Variants in GNG7 observed in about 807,000 individuals in gnomAD.
GNG7 encodes the protein G protein subunit gamma 7.
GNG7 carries 1 observed loss-of-function variant against 4.0 expected under a neutral mutation model. The ratio of observed to expected loss-of-function variants is 0.25; its 90% confidence interval spans 0.09 to 1.18. The LOEUF is 1.18. Ranked by LOEUF, GNG7 falls within the 50% of genes most tolerant of loss-of-function variation. The probability of loss-of-function intolerance (pLI) is 0.50; values close to 1 mark genes in which losing one functional copy is unlikely to be tolerated. For synonymous variants in GNG7, 34 were observed against 36.9 expected (o/e 0.92, Z 0.29); for missense variants, 86 against 91.9 (o/e 0.94, Z 0.26).
intron 2 of GNG7, among the ~76,000 whole-genome samples, chr19:2,645,099 G>T (rs1982628642): frequency 6.6e-6 from 1 of 152,180 alleles, no homozygotes; most frequent in Admixed American, 6.6e-5. Flanking sequence ...GGGTGCAATG[G>T]TACGCACCTG....
intron 3 of GNG7, among the ~76,000 whole-genome samples, chr19:2,521,615 T>TTTTTG (rs1285421023): frequency 7.4e-6 from 1 of 135,656 alleles, no homozygotes; most frequent in African/African-American, 2.7e-5. Context: ...CCTCCGTGTT[T>TTTTTG]TTTTTTTTTT....
rs3064559 is a variant in GNG7 at position 2,609,010 on chromosome 19, T to TTCTCTC, written c.-78+37208_-78+37213dup. Reference sequence around the variant, plus strand: ...ATCATGCCTACCTAGTTCTTGTACATTCTCTCTCTCTCTCTCTCTCTCTTT... The same window carrying TTCTCTC: ...ATCATGCCTACCTAGTTCTTGTACATTCTCTCTCTCTCTCTCTCTCTCTCTCTCTTT... On this transcript the variant is annotated intron_variant, in intron 2 of 4. Coordinates refer to ENST00000382159, the MANE Select transcript of GNG7 (RefSeq NM_052847.3). This position sits in a 1 kb window ranked among gnomAD's most constrained non-coding sequence, Gnocchi z 4.4. Among the ~76,000 whole-genome samples, 1 of 149,324 alleles carries TTCTCTC rather than the reference T, an allele frequency of 6.7e-6. No individual in the cohort carries two copies. Among genetic ancestry groups the TTCTCTC allele is most frequent in the African/African-American group, 2.5e-5 (1 of 40,522 alleles).
intron 4 of GNG7, among the ~76,000 whole-genome samples, chr19:2,518,987 G>A (rs1276478036): frequency 1.3e-5 from 2 of 151,556 alleles, no homozygotes; most frequent in African/African-American, 4.9e-5. Flanking sequence ...TAGTAGAGAT[G>A]GGGTTTCACC....
In GNG7 at chr19:2,657,346, AAAAAAAAAAAAAAAAATATATATAT is replaced by A. The variant is rs1182387615; in HGVS notation, c.-134-11091_-134-11067del. Among the ~76,000 whole-genome samples the A allele has an allele frequency of 1.4e-3, 28 of 19,958 alleles. 2 individuals carry two copies. The highest frequency in any genetic ancestry group is 4.9e-3 in the South Asian group (3 of 610). The allele number at this position is 19,958 out of a possible 152,430, so 13.1% of individuals were successfully genotyped here. A position where few individuals can be genotyped will look rare whatever the true frequency, so the allele number is the denominator to read the frequency against. ...AAGACCCCGTCTCAATTAAAAAAAA[AAAAAAAAAAAAAAAAATATATATAT>A]ATATATATATATATATATATATATA... On this transcript the variant is annotated intron_variant, in intron 1 of 4. Transcript: ENST00000382159.
At chr19:2,637,235 C>A (rs1284479108) in intron 2 of GNG7, among the ~76,000 whole-genome samples, 1 of 151,784 alleles carries the variant, frequency 6.6e-6, no homozygotes, top group Non-Finnish European at 1.5e-5. Context: ...GAGCCCGGCC[C>A]GTCTTTGCTG....
intron 1 of GNG7, among the ~76,000 whole-genome samples, chr19:2,674,677 C>G (rs1369520324): frequency 1.3e-5 from 2 of 152,194 alleles, no homozygotes; most frequent in Non-Finnish European, 2.9e-5. Context: ...CTCAGGTGAT[C>G]CACCCGCCTT....
intron 2 of GNG7, among the ~76,000 whole-genome samples, chr19:2,582,393 A>T (rs1980527337): frequency 6.6e-6 from 1 of 152,214 alleles, no homozygotes; most frequent in Non-Finnish European, 1.5e-5. Context: ...CACAAAAAGC[A>T]TTATAAATGT....
chr19:2,653,198 T>C lies in GNG7; in HGVS notation c.-134-6918A>G, dbSNP rs1006944319. On this transcript the variant is annotated intron_variant, in intron 1 of 4. Transcript: ENST00000382159. The surrounding 1 kb of genome is among the most constrained non-coding windows in gnomAD (Gnocchi z 4.8). ...GCATCTTCTAGGGTTATTAAGGTGC[T>C]GGTTGTTATTTTTGCTTGTAATTCT... Among the ~76,000 whole-genome samples the C allele has an allele frequency of 1.3e-5, 2 of 152,220 alleles. No individual in the cohort carries two copies. The highest frequency in any genetic ancestry group is 1.9e-4 in the East Asian group (1 of 5,202).
At chr19:2,646,552 G>A (rs1374401089) in intron 1 of GNG7, among the ~76,000 whole-genome samples, 1 of 152,122 alleles carries the variant, frequency 6.6e-6, no homozygotes, top group Admixed American at 6.5e-5. Flanking sequence ...CAACGTGGTG[G>A]TGGGTGCCTG....
chr19:2,554,349 G>T (rs1463082407), intron 3 of GNG7, among the ~76,000 whole-genome samples: 1 of 148,084 alleles, frequency 6.8e-6, no homozygotes, highest in Non-Finnish European at 1.5e-5. Context: ...ACCACACTGG[G>T]TATATTTTTT....
At chr19:2,527,369 C>T (rs1978439083) in intron 3 of GNG7, among the ~76,000 whole-genome samples, 1 of 152,152 alleles carries the variant, frequency 6.6e-6, no homozygotes, top group Non-Finnish European at 1.5e-5. Context: ...TTTGGTGTCG[C>T]GCATCCCTCC....
chr19:2,671,199 G>A (rs1447731865), intron 1 of GNG7, among the ~76,000 whole-genome samples: 2 of 151,940 alleles, frequency 1.3e-5, no homozygotes, highest in Non-Finnish European at 2.9e-5. Context: ...TAACTGTGAC[G>A]ACCACAAATC....
In GNG7 at chr19:2,610,427, A is replaced by C. The variant is rs370021949; in HGVS notation, c.-78+35797T>G. ...TAGTGGTGTGATCCTGGGTCATTGCAACCTCTGCCTCCTGGGTTCAAGCGA... is the reference window on the plus strand; with the variant it reads ...TAGTGGTGTGATCCTGGGTCATTGCCACCTCTGCCTCCTGGGTTCAAGCGA... On this transcript the variant is annotated intron_variant, in intron 2 of 4. Transcript: ENST00000382159. The C allele has an allele frequency of 1.1e-4, 16 of 151,756 alleles. No individual in the cohort carries two copies. The East Asian group carries it at 1.9e-3, about 18-fold the overall frequency. The allele number at this position is 151,756 out of a possible 1,614,324, so 9.4% of individuals were successfully genotyped here.
intron 3 of GNG7, among the ~76,000 whole-genome samples, chr19:2,548,760 G>T (rs1411211173): frequency 1.3e-5 from 2 of 151,214 alleles, no homozygotes; most frequent in Non-Finnish European, 2.9e-5. Flanking sequence ...CTACACTCCA[G>T]CCTGGGTGCA....
At chr19:2,566,154 T>C (rs1246777113) in intron 2 of GNG7, among the ~76,000 whole-genome samples, 1 of 151,750 alleles carries the variant, frequency 6.6e-6, no homozygotes. Flanking sequence ...CCAGACTCCG[T>C]CTCATAAATA....
intron 2 of GNG7, among the ~76,000 whole-genome samples, chr19:2,612,721 T>C (rs2144824227): frequency 6.7e-6 from 1 of 149,406 alleles, no homozygotes. Flanking sequence ...TTTTTTTTTT[T>C]TTGAGAGTCT....
At position 2,557,207 on chromosome 19, in the gene GNG7, GCACAC is replaced by G. The variant is rs1443676986; in HGVS notation, c.-77-2024_-77-2020del. On this transcript the variant is annotated intron_variant, in intron 2 of 4. Transcript: ENST00000382159. This position sits in a 1 kb window ranked among gnomAD's most constrained non-coding sequence, Gnocchi z 5.1. ...AAGACACGTGCACACACATTTGCAT[GCACAC>G]ACAGACACACATGCACACACAGACG... Among the ~76,000 whole-genome samples the G allele has an allele frequency of 6.7e-6, 1 of 150,092 alleles. No homozygotes were observed. Among genetic ancestry groups the G allele is most frequent in the Non-Finnish European group, 1.5e-5 (1 of 67,608 alleles).
chr19:2,560,844 G>A (rs546077857), intron 2 of GNG7, among the ~76,000 whole-genome samples: 9 of 151,612 alleles, frequency 5.9e-5, no homozygotes, highest in African/African-American at 1.5e-4. Context: ...GTAATCCCAG[G>A]TACTCAGGAG....
At position 2,511,679 on chromosome 19, in the gene GNG7, G is replaced by T; in HGVS notation, c.*3343C>A. The T allele has an allele frequency of 2.2e-6, 1 of 457,034 alleles. No individual in the cohort carries two copies. The highest frequency in any genetic ancestry group is 1.1e-3 in the Middle Eastern group (1 of 912). 28.3% of individuals were successfully genotyped at this position (457,034 alleles called of 1,614,324 possible). ...CTGTTAACTTGGAGATGGATGCGTGGCCTGGAGGCCTAGCGTTGCGCCTCG... is the reference window on the plus strand; with the variant it reads ...CTGTTAACTTGGAGATGGATGCGTGTCCTGGAGGCCTAGCGTTGCGCCTCG... On this transcript the variant is annotated 3_prime_UTR_variant, in exon 5 of 5. Transcript: ENST00000382159. The surrounding 1 kb of genome is among the most constrained non-coding windows in gnomAD (Gnocchi z 6.3).
Sources: allele counts gnomAD v4.1 joint callset (sites outside exome capture counted in the v4.1 genomes callset), GRCh38; gene constraint gnomAD v4.1.1; non-coding constraint Gnocchi (gnomAD v3.1); transcripts MANE v1.5; gene names NCBI Gene and HGNC (gene_info 2026-07-23, HGNC 2026-07-21).